The following OTOG variants were observed in gnomAD, a reference collection of about 807,000 sequenced individuals.
The protein encoded by OTOG is otogelin.
Under a neutral mutation model 313.8 loss-of-function variants are expected in OTOG, and 296 were observed. That is an observed-to-expected ratio of 0.94 (90% CI 0.86 to 1.04). OTOG has a LOEUF of 1.04. Among genes scored for constraint, OTOG ranks in the 50% least tolerant of loss-of-function variants. The pLI, the probability that OTOG is intolerant of heterozygous loss-of-function variation, is 0.00. For missense variants in OTOG, 3,948 were observed against 3,840.1 expected (o/e 1.03, Z -0.74); for synonymous variants, 1,533 against 1,554.9 (o/e 0.99, Z 0.33).
At position 17,602,248 on chromosome 11, in the gene OTOG, G is replaced by A; in HGVS notation, c.3748G>A (p.Ala1250Thr). ...CCCCTATCAGCTATCCAGCTTGGCA[G>A]CCGGTGGTGCTCTGGTGGGCATGAA... ...KGPYQLSSLA[A>T]GGALVGMKAV... Residue 1250 changes from alanine (A) to threonine (T), a missense_variant, in exon 32 of 56, where the codon GCC (alanine) becomes ACC (threonine). Coordinates refer to ENST00000399397, the MANE Select transcript of OTOG (RefSeq NM_001292063.2). 5.8e-6 allele frequency: 9 copies of A among 1,550,598 alleles called. No homozygotes were observed. The highest frequency in any genetic ancestry group is 7.8e-6 in the Non-Finnish European group (9 of 1,146,964).
chr11:17,618,390 C>T (rs934435947), intron 39 of OTOG, among the ~76,000 whole-genome samples: 1 of 152,106 alleles, frequency 6.6e-6, no homozygotes, highest in Non-Finnish European at 1.5e-5. Flanking sequence ...TTATGATTTT[C>T]CAGATGCCTT....
chr11:17,612,005 C>T (rs1003491), intron 36 of OTOG, among the ~76,000 whole-genome samples, 157 bp from the exon 37 acceptor site: 1 of 151,838 alleles, frequency 6.6e-6, no homozygotes, highest in African/African-American at 2.4e-5. Context: ...CCAGGCCCCA[C>T]ATGGCTTGTG....
intron 19 of OTOG, 64 bp from the exon 20 acceptor site, chr11:17,574,656 C>A: frequency 7.0e-7 from 1 of 1,432,976 alleles, no homozygotes; most frequent in East Asian, 2.6e-5. Flanking sequence ...AGAATGACAG[C>A]CCCACTCCAC....
chr11:17,583,848 A>G lies in OTOG; in HGVS notation c.2760-2626A>G, dbSNP rs116551790. Among the ~76,000 whole-genome samples the G allele has an allele frequency of 5.1e-3, 782 of 152,350 alleles. 6 individuals are homozygous for G. The highest frequency in any genetic ancestry group is 0.018 in the African/African-American group (732 of 41,584). ...CAGCTTATCAATTTCTACCAAAAAA[A>G]AAGCCCCTGAGATTTTGAATGAAAC... On this transcript the variant is annotated intron_variant, in intron 23 of 55. Coordinates refer to ENST00000399397, the MANE Select transcript of OTOG (RefSeq NM_001292063.2).
Position 17,569,229 on chromosome 11 carries a change from C to T in OTOG, c.1718C>T (p.Thr573Ile), listed in dbSNP as rs1226472767. ...GACCCTCGGAGGCAGGTGACCCTGA[C>T]CCAGGCAGGGGATGTCCTTCTGTTT... Reference protein sequence around the residue: ...HQDPRRQVTLTQAGDVLLFDQ... With the variant: ...HQDPRRQVTLIQAGDVLLFDQ... The change falls in exon 16 of 56, where the codon ACC becomes ATC. Residue 573 changes from threonine to isoleucine, a missense_variant. Coordinates refer to ENST00000399397, the MANE Select transcript of OTOG (RefSeq NM_001292063.2). The T allele has an allele frequency of 6.4e-7, 1 of 1,550,584 alleles. No homozygotes were observed. Among genetic ancestry groups the T allele is most frequent in the Non-Finnish European group, 8.7e-7 (1 of 1,146,982 alleles).
At chr11:17,600,075 C>A (rs1853211842) in intron 31 of OTOG, among the ~76,000 whole-genome samples, 1 of 152,364 alleles carries the variant, frequency 6.6e-6, no homozygotes, top group East Asian at 1.9e-4. Flanking sequence ...TAGCTTTTGG[C>A]AAAAGCAGAC....
Position 17,586,470 on chromosome 11 carries a change from A to G in OTOG, c.2760-4A>G, listed in dbSNP as rs1209188329. On this transcript the variant is annotated splice_region_variant and splice_polypyrimidine_tract_variant and intron_variant, in intron 23 of 55. Coordinates refer to ENST00000399397, the MANE Select transcript of OTOG (RefSeq NM_001292063.2). Reference sequence around the variant, plus strand: ...CTGACCGCCTGCTTGCTGTGTCTCTACAGTCTGCTCAGACACGGGGATGCA... The same window carrying G: ...CTGACCGCCTGCTTGCTGTGTCTCTGCAGTCTGCTCAGACACGGGGATGCA... 2.2e-5 allele frequency: 31 copies of G among 1,393,146 alleles called. No individual in the cohort carries two copies. The highest frequency in any genetic ancestry group is 3.1e-5 in the Admixed American group (1 of 32,080). 86.3% of individuals were successfully genotyped at this position (1,393,146 alleles called of 1,614,324 possible).
intron 38 of OTOG, among the ~76,000 whole-genome samples, chr11:17,613,238 T>A (rs1332102393): frequency 3.5e-5 from 5 of 142,138 alleles, no homozygotes; most frequent in African/African-American, 1.4e-4. Flanking sequence ...TTTCTTTCTT[T>A]CTTTCTTTCT....
At chr11:17,621,793 G>A (rs191246160) in intron 39 of OTOG, among the ~76,000 whole-genome samples, 1 of 152,160 alleles carries the variant, frequency 6.6e-6, no homozygotes, top group South Asian at 2.1e-4. Flanking sequence ...TCCATTTTTT[G>A]TTTTCAGGGA....
chr11:17,641,799 G>A, intron 51 of OTOG, 48 bp from the exon 52 acceptor site: 1 of 1,365,828 alleles, frequency 7.3e-7, no homozygotes, highest in Non-Finnish European at 1.0e-6. Context: ...GGGAGAGCCA[G>A]GGTGGAGGTG....
chr11:17,553,550 A>G lies in OTOG; in HGVS notation c.540+31A>G, dbSNP rs911200754. The G allele has an allele frequency of 2.1e-6, 3 of 1,411,584 alleles. No individual in the cohort carries two copies. In the South Asian group the frequency reaches 5.2e-5, roughly 24 times the overall value. The allele number at this position is 1,411,584 out of a possible 1,614,324, so 87.4% of individuals were successfully genotyped here. The stretch of plus-strand genomic sequence containing the variant: ...GCCTCCCCTGCCTTGCCTGTCCAGG[A>G]ATGCTTCTCTAGGCCCTGGAGGCTG... On this transcript the variant is annotated intron_variant, in intron 6 of 55. Coordinates refer to ENST00000399397, the MANE Select transcript of OTOG (RefSeq NM_001292063.2).
In OTOG at chr11:17,559,065, G is replaced by A. The variant is rs1159899095; in HGVS notation, c.1117G>A (p.Val373Ile). 33 of 1,548,306 alleles carry A rather than the reference G, an allele frequency of 2.1e-5. No homozygotes were observed. The highest frequency in any genetic ancestry group is 2.8e-5 in the Non-Finnish European group (32 of 1,146,972). The change falls in exon 11 of 56, where the codon GTA becomes ATA. Residue 373 changes from valine to isoleucine, a missense_variant. Transcript: ENST00000399397. The stretch of plus-strand genomic sequence containing the variant: ...TTCTCTGCACAGATCAATGGGTGAT[G>A]TAGCCACCTGGTGCCGGGCACTGGC... ...TSDLCQSMGD[V>I]ATWCRALAEY... is the part of the protein sequence containing the mutation.
rs777737734 is a variant in OTOG, at chr11:17,611,131, C to T, written c.5831C>T (p.Pro1944Leu). The T allele has an allele frequency of 3.9e-6, 6 of 1,550,558 alleles. No individual in the cohort carries two copies. Among genetic ancestry groups the T allele is most frequent in the East Asian group, 2.4e-5 (1 of 40,926 alleles). ...LTPATSHPLT[P>L]LVAEPEGAQA... Reference sequence around the variant, plus strand: ...CCTGCTACGAGCCACCCTCTCACGCCCTTGGTGGCTGAGCCCGAGGGAGCC... The same window carrying T: ...CCTGCTACGAGCCACCCTCTCACGCTCTTGGTGGCTGAGCCCGAGGGAGCC... The change falls in exon 36 of 56, where the codon CCC becomes CTC. Residue 1944 changes from proline (P) to leucine (L), a missense_variant. Pro to Leu is a moderately conservative substitution (Grantham distance 98, BLOSUM62 -3). Coordinates refer to ENST00000399397, the MANE Select transcript of OTOG (RefSeq NM_001292063.2).
intron 4 of OTOG, 130 bp from the exon 5 acceptor site, chr11:17,552,989 C>A: frequency 1.2e-6 from 1 of 800,736 alleles, no homozygotes; most frequent in Non-Finnish European, 2.0e-6. Flanking sequence ...CTTGTGCTAG[C>A]TGCTGAGGAA....
At chr11:17,608,162 G>A (rs1335595955) in intron 33 of OTOG, 134 bp from the exon 34 acceptor site, 21 of 588,070 alleles carry the variant, frequency 3.6e-5, no homozygotes, top group Admixed American at 2.3e-4. Flanking sequence ...TCTCCTTAGT[G>A]TGGTTTTTTC....
In OTOG at chr11:17,593,680, A is replaced by T. The variant is rs755488549; in HGVS notation, c.3212A>T (p.His1071Leu). 5.2e-6 allele frequency: 8 copies of T among 1,549,040 alleles called. No homozygotes were observed. Among genetic ancestry groups the T allele is most frequent in the Non-Finnish European group, 7.0e-6 (8 of 1,146,972 alleles). ...CGAGTGGGATTTTTCACACTGGTGC[A>T]TTTCCCACAGGAGCACATCACCCTC... ...TWRVGFFTLV[H>L]FPQEHITLLW... The change falls in exon 27 of 56, where the codon CAT becomes CTT. Residue 1071 changes from histidine (H) to leucine (L), a missense_variant. His to Leu is a moderately conservative substitution (Grantham distance 99). Coordinates refer to ENST00000399397, the MANE Select transcript of OTOG (RefSeq NM_001292063.2).
intron 33 of OTOG, among the ~76,000 whole-genome samples, chr11:17,606,506 A>C (rs10741730): frequency 0.16 from 24,288 of 152,222 alleles, 2,132 homozygotes; most frequent in Non-Finnish European, 0.2. Context: ...CTGCCCCATG[A>C]GTTCAAAGAC....
intron 18 of OTOG, among the ~76,000 whole-genome samples, chr11:17,572,776 T>G (rs1206191390): frequency 6.6e-6 from 1 of 152,240 alleles, no homozygotes; most frequent in Non-Finnish European, 1.5e-5. Context: ...TGCTGCTTCT[T>G]AGCTTTCTCT....
Position 17,591,568 on chromosome 11 carries a change from T to C in OTOG, c.2986T>C (p.Cys996Arg). Residue 996 changes from cysteine to arginine, a missense_variant, in exon 25 of 56, where the codon TGC (cysteine) becomes CGC (arginine). Transcript: ENST00000399397. ...DGLPFDFVGA[C>R]KVHLVKSTSD... ...GCTCCCGTTTGACTTCGTGGGGGCA[T>C]GCAAAGTGCACCTGGTCAAGGTGAG... The C allele has an allele frequency of 6.4e-7, 1 of 1,550,670 alleles. No individual in the cohort carries two copies. Among genetic ancestry groups the C allele is most frequent in the Non-Finnish European group, 8.7e-7 (1 of 1,147,018 alleles).
Sources: gnomAD v4.1 joint callset for allele counts (sites outside exome capture counted in the v4.1 genomes callset) on GRCh38, gnomAD v4.1.1 for gene constraint, MANE v1.5 for transcripts, NCBI Gene and HGNC (gene_info 2026-07-23, HGNC 2026-07-21) for gene names.